TENM3: variants seen among roughly 807,000 people sequenced by gnomAD.
The protein encoded by TENM3 is teneurin-3.
In TENM3, 63 loss-of-function variants were observed where a neutral mutation model predicts 255.1. That is an observed-to-expected ratio of 0.25 (90% CI 0.20 to 0.30). TENM3 has a LOEUF of 0.30. Among genes scored for constraint, TENM3 ranks in the 10% least tolerant of loss-of-function variants. TENM3 has a pLI of 1.00. For synonymous variants in TENM3, 1,306 were observed against 1,322.3 expected, an observed-to-expected ratio of 0.99 and a Z score of 0.27; for missense variants, 2,929 against 3,461.1, an observed-to-expected ratio of 0.85 and a Z score of 3.86.
At chr4:182,238,830 C>T (rs62354181), upstream of TENM3, among the ~76,000 whole-genome samples, 21,282 of 151,868 alleles carry the variant, frequency 0.14, 1,593 homozygotes, top group Middle Eastern at 0.2. Flanking sequence ...ACCTTTTCTC[C>T]CTCTCTTTTT....
At chr4:182,605,798 GGTGACCATA>G (rs752716346) in intron 4 of TENM3, among the ~76,000 whole-genome samples, 1 of 152,172 alleles carries the variant, frequency 6.6e-6, no homozygotes, top group Non-Finnish European at 1.5e-5. Context: ...TAAGCTCTGT[GGTGACCATA>G]TAGTTCATTA....
the TENM3 span, among the ~76,000 whole-genome samples, chr4:181,541,869 A>T: frequency 1.3e-5 from 2 of 152,332 alleles, no homozygotes; most frequent in African/African-American, 4.8e-5. Flanking sequence ...CACAGTCTAC[A>T]TCTGCTAATT....
At chr4:181,923,436 G>T in the TENM3 span, among the ~76,000 whole-genome samples, 1 of 152,082 alleles carries the variant, frequency 6.6e-6, no homozygotes, top group Non-Finnish European at 1.5e-5. Context: ...TGCCTAAAAA[G>T]TTCAGTGGAT....
the TENM3 span, among the ~76,000 whole-genome samples, chr4:181,826,879 C>A: frequency 4.6e-5 from 7 of 152,162 alleles, no homozygotes; most frequent in South Asian, 8.3e-4. Context: ...TTTGCAAATT[C>A]TGTTGTTCGT....
At chr4:181,818,585 GC>G in the TENM3 span, among the ~76,000 whole-genome samples, 1 of 150,700 alleles carries the variant, frequency 6.6e-6, no homozygotes, top group African/African-American at 2.4e-5. Context: ...GTAAATGTGT[GC>G]CATAGTGCAT....
the TENM3 span, among the ~76,000 whole-genome samples, chr4:181,897,334 G>A: frequency 1.7e-3 from 254 of 152,238 alleles, 2 homozygotes; most frequent in African/African-American, 5.6e-3. Flanking sequence ...CAGCTTTGAC[G>A]CAGATATAAA....
the TENM3 span, among the ~76,000 whole-genome samples, chr4:181,485,173 A>G: frequency 6.6e-6 from 1 of 152,150 alleles, no homozygotes; most frequent in Non-Finnish European, 1.5e-5. Context: ...GTAGTCACTG[A>G]TGGCCTCTAT....
chr4:182,762,661 A>G (rs1476136723), intron 22 of TENM3, among the ~76,000 whole-genome samples: 2 of 152,198 alleles, frequency 1.3e-5, no homozygotes, highest in African/African-American at 4.8e-5. Flanking sequence ...CAGCACAGAG[A>G]AAGTCCCTGG....
chr4:182,713,520 A>G (rs1317020428), intron 12 of TENM3, among the ~76,000 whole-genome samples: 11 of 152,328 alleles, frequency 7.2e-5, no homozygotes, highest in South Asian at 2.1e-4. Context: ...ACTTTGTGCA[A>G]TTATTTAATG....
At chr4:181,451,197 A>AAAGC in the TENM3 span, among the ~76,000 whole-genome samples, 1 of 152,170 alleles carries the variant, frequency 6.6e-6, no homozygotes, top group Admixed American at 6.6e-5. Context: ...AGGAGTGGGT[A>AAAGC]TTTTAGGCAG....
chr4:181,644,075 CAA>C, the TENM3 span, among the ~76,000 whole-genome samples: 15 of 58,212 alleles, frequency 2.6e-4, no homozygotes, highest in African/African-American at 4.7e-4. Context: ...GACTCCATCT[CAA>C]AAAAAAAAAA....
chr4:182,542,744 C>G (rs1490963212), intron 3 of TENM3, among the ~76,000 whole-genome samples: 1 of 152,122 alleles, frequency 6.6e-6, no homozygotes, highest in Non-Finnish European at 1.5e-5. Flanking sequence ...ACTTTACTTT[C>G]TTACAAAGTC....
chr4:181,542,818 A>G, the TENM3 span, among the ~76,000 whole-genome samples: 2 of 152,080 alleles, frequency 1.3e-5, no homozygotes, highest in African/African-American at 4.8e-5. Flanking sequence ...ATATCTCCGC[A>G]TGTTAGAGTT....
the TENM3 span, among the ~76,000 whole-genome samples, chr4:181,766,975 G>T: frequency 6.6e-6 from 1 of 151,438 alleles, no homozygotes; most frequent in Non-Finnish European, 1.5e-5. Flanking sequence ...ACCAGAGGCC[G>T]GGCGCAGTGG....
chr4:181,982,768 G>T, the TENM3 span, among the ~76,000 whole-genome samples: 1 of 152,052 alleles, frequency 6.6e-6, no homozygotes, highest in African/African-American at 2.4e-5. Context: ...AAGTTCTGGG[G>T]AACAATTTCT....
At chr4:182,487,473 G>A (rs1304959297) in intron 3 of TENM3, among the ~76,000 whole-genome samples, 3 of 151,986 alleles carry the variant, frequency 2.0e-5, no homozygotes, top group Non-Finnish European at 4.4e-5. Flanking sequence ...TTTGGTTAGG[G>A]CGGTAGAATT....
chr4:182,722,934 A>G (rs1262324352), intron 13 of TENM3, among the ~76,000 whole-genome samples: 1 of 152,252 alleles, frequency 6.6e-6, no homozygotes, highest in Non-Finnish European at 1.5e-5. Context: ...CGAGGAGTCC[A>G]GGATAACGTT....
the TENM3 span, among the ~76,000 whole-genome samples, chr4:181,984,667 T>C: frequency 6.6e-6 from 1 of 152,086 alleles, no homozygotes; most frequent in African/African-American, 2.4e-5. Flanking sequence ...AAGTAATCTC[T>C]AGTAAATTAT....
At chr4:182,337,542 C>T (rs1580206844) in intron 2 of TENM3, among the ~76,000 whole-genome samples, 1 of 152,242 alleles carries the variant, frequency 6.6e-6, no homozygotes, top group East Asian at 1.9e-4. Context: ...AGACCCATAG[C>T]ACCAAATATT....
Sources: allele counts gnomAD v4.1 joint callset (sites outside exome capture counted in the v4.1 genomes callset), GRCh38; gene constraint gnomAD v4.1.1; transcripts MANE v1.5; gene names NCBI Gene and HGNC (gene_info 2026-07-23, HGNC 2026-07-21).